The following PITPNM3 variants were observed in gnomAD, a reference collection of about 807,000 sequenced individuals.
PITPNM3 encodes membrane-associated phosphatidylinositol transfer protein 3.
A neutral mutation model predicts 102.0 loss-of-function variants in PITPNM3; 26 were observed. The observed-to-expected ratio is 0.25, with a 90% confidence interval of 0.19 to 0.35. The LOEUF (loss-of-function observed/expected upper bound fraction) is 0.35, where lower values mean the gene tolerates loss of function less well. Ranked by LOEUF, PITPNM3 falls within the 10% of genes least tolerant of loss-of-function variation. PITPNM3 has a pLI of 1.00. For synonymous variants in PITPNM3, 578 were observed against 558.6 expected, an observed-to-expected ratio of 1.03 and a Z score of -0.49; for missense variants, 1,083 against 1,346.1, an observed-to-expected ratio of 0.80 and a Z score of 3.06.
intron 2 of PITPNM3, among the ~76,000 whole-genome samples, chr17:6,530,406 C>G (rs1389090030): frequency 6.6e-6 from 1 of 152,158 alleles, no homozygotes; most frequent in East Asian, 1.9e-4. Context: ...TATGGGAAAC[C>G]AGGAGTTAGA....
rs556730214 is a variant in PITPNM3, at chr17:6,471,410, C to T, written c.1430-55G>A. On this transcript the variant is annotated intron_variant, in intron 11 of 19. Coordinates refer to ENST00000262483, the MANE Select transcript of PITPNM3 (RefSeq NM_031220.4). ...GTCACGTGTCTCCAGCAGAGCTGCC[C>T]ACTCAGTGCCAGCCCCATGCTGGGA... is the stretch of plus-strand genomic sequence containing the variant. 175 of 1,435,864 alleles carry T rather than the reference C, an allele frequency of 1.2e-4. 3 individuals carry two copies. The South Asian group carries it at 2.1e-3, about 17-fold the overall frequency. The allele number at this position is 1,435,864 out of a possible 1,614,324, so 88.9% of individuals were successfully genotyped here.
Position 6,537,355 on chromosome 17 carries a change from G to A in PITPNM3, c.118+632C>T, listed in dbSNP as rs996461146. ...CCTCCCGGGTCCAAGCGATTCTCCC[G>A]CCTCAGCTTCCCCAGTAGCTGGGAT... On this transcript the variant is annotated intron_variant, in intron 2 of 19. Transcript: ENST00000262483. This position sits in a 1 kb window ranked among gnomAD's most constrained non-coding sequence, Gnocchi z 4.4. 5.5e-5 allele frequency among the ~76,000 whole-genome samples: 8 copies of A among 145,800 alleles called. No homozygotes were observed. The highest frequency in any genetic ancestry group is 1.8e-4 in the African/African-American group (7 of 38,896).
intron 14 of PITPNM3, among the ~76,000 whole-genome samples, chr17:6,467,708 C>T (rs937294522): frequency 1.3e-5 from 2 of 152,148 alleles, no homozygotes; most frequent in African/African-American, 4.8e-5. Flanking sequence ...CACTGATGAT[C>T]GTTTGTTGAG....
chr17:6,474,883 T>C (rs1436557062), intron 9 of PITPNM3, among the ~76,000 whole-genome samples: 1 of 152,230 alleles, frequency 6.6e-6, no homozygotes, highest in African/African-American at 2.4e-5. Context: ...CTCCATTGCA[T>C]CTAGTTAACT....
At chr17:6,490,503 C>T (rs1187556636) in intron 4 of PITPNM3, among the ~76,000 whole-genome samples, 1 of 152,150 alleles carries the variant, frequency 6.6e-6, no homozygotes, top group African/African-American at 2.4e-5. Flanking sequence ...TGGAGTCACT[C>T]TGAGAGGCTA....
chr17:6,476,024 A>C (rs1210950700), intron 9 of PITPNM3, among the ~76,000 whole-genome samples: 8 of 152,254 alleles, frequency 5.3e-5, no homozygotes, highest in Middle Eastern at 3.2e-3. Flanking sequence ...TATACTGCTA[A>C]GGAATTGGAA....
intron 3 of PITPNM3, among the ~76,000 whole-genome samples, chr17:6,520,475 A>C (rs983660069): frequency 6.6e-6 from 1 of 152,246 alleles, no homozygotes; most frequent in Non-Finnish European, 1.5e-5. Flanking sequence ...TACCCATATG[A>C]AAAGCTCTCC....
rs771598616 is a variant in PITPNM3, at chr17:6,477,994, C to T, written c.881G>A (p.Gly294Glu). ...CTGTACCTGGGTGCTGCTGATGCTC[C>T]CCTTCCGGCTGCTGCTGGCAGGGCT... ...GDSPASSSRK[G>E]SISSTQDTPV... is the part of the protein sequence containing the mutation. The change falls in exon 8 of 20, where the codon GGG (glycine) becomes GAG (glutamate). Residue 294 changes from glycine to glutamate, a missense_variant. Physicochemically the swap from Gly to Glu is moderately conservative, Grantham distance 98. Around this residue, in one of 5 missense-constraint regions of PITPNM3, gnomAD observed 172 missense variants for 175.6 expected, o/e 0.98. Coordinates refer to ENST00000262483, the MANE Select transcript of PITPNM3 (RefSeq NM_031220.4). The T allele has an allele frequency of 6.2e-7, 1 of 1,613,366 alleles. No homozygotes were observed. Among genetic ancestry groups the T allele is most frequent in the Admixed American group, 1.7e-5 (1 of 60,032 alleles).
At chr17:6,530,625 T>C (rs972647527) in intron 2 of PITPNM3, among the ~76,000 whole-genome samples, 1 of 152,164 alleles carries the variant, frequency 6.6e-6, no homozygotes, top group East Asian at 1.9e-4. Flanking sequence ...GAGACAAGTC[T>C]TGTGCTTTGC....
chr17:6,471,945 G>A (rs537644597), intron 11 of PITPNM3, among the ~76,000 whole-genome samples: 22 of 152,290 alleles, frequency 1.4e-4, no homozygotes, highest in Non-Finnish European at 2.9e-4. Flanking sequence ...GGTGAGGAAG[G>A]GATGGTTTTT....
In PITPNM3 at chr17:6,453,491, C is replaced by A; in HGVS notation, c.*1847G>T. The A allele has an allele frequency of 6.5e-6, 1 of 152,734 alleles. No homozygotes were observed. The allele number at this position is 152,734 out of a possible 1,614,324, so 9.5% of individuals were successfully genotyped here. A position where few individuals can be genotyped will look rare whatever the true frequency, so the allele number is the denominator to read the frequency against. ...GCTGAGGCTGAGGCTGAGGCTGAGCCTGATCCGCACTCCTCCCCATAGACT... is the reference window on the plus strand; with the variant it reads ...GCTGAGGCTGAGGCTGAGGCTGAGCATGATCCGCACTCCTCCCCATAGACT... On this transcript the variant is annotated 3_prime_UTR_variant, in exon 20 of 20. Coordinates refer to ENST00000262483, the MANE Select transcript of PITPNM3 (RefSeq NM_031220.4).
In PITPNM3 at chr17:6,468,451, C is replaced by T. The variant is rs1904897611; in HGVS notation, c.1774-110G>A. On this transcript the variant is annotated intron_variant, in intron 13 of 19. Transcript: ENST00000262483. The surrounding 1 kb of genome is among the most constrained non-coding windows in gnomAD (Gnocchi z 5.2). ...GCCAGCTGGGCCCTGCCCCTGCAAC[C>T]CCCCAACCTCACAGCCTGGAACCGT... The T allele has an allele frequency of 1.9e-6, 2 of 1,075,232 alleles. No homozygotes were observed. Among genetic ancestry groups the T allele is most frequent in the South Asian group, 2.5e-5 (2 of 79,792 alleles). The allele number at this position is 1,075,232 out of a possible 1,614,324, so 66.6% of individuals were successfully genotyped here.
chr17:6,493,430 A>C (rs1473463484), intron 4 of PITPNM3, among the ~76,000 whole-genome samples: 1 of 152,206 alleles, frequency 6.6e-6, no homozygotes, highest in Admixed American at 6.5e-5. Context: ...AGGACAAATA[A>C]GGGTTGGGGT....
chr17:6,474,752 A>C (rs1234098118), intron 9 of PITPNM3, 148 bp from the exon 10 acceptor site: 26 of 993,146 alleles, frequency 2.6e-5, no homozygotes, highest in Non-Finnish European at 3.8e-5. Flanking sequence ...CCGGCTGCAC[A>C]CCACCTACAG....
At position 6,482,026 on chromosome 17, in the gene PITPNM3, C is replaced by CTCTCTG. The variant is rs1567670251; in HGVS notation, c.587+1490_587+1491insCAGAGA. Among the ~76,000 whole-genome samples, 14 of 108,716 alleles carry CTCTCTG rather than the reference C, an allele frequency of 1.3e-4. 1 individual carries two copies. The highest frequency in any genetic ancestry group is 6.5e-4 in the South Asian group (2 of 3,058). 71.3% of individuals were successfully genotyped at this position (108,716 alleles called of 152,430 possible). ...TCTCTCTCTCTCTCTCTCTCTCTCTCTCTCTCTCTGTCTGTCTCTCTCTCT... is the reference window on the plus strand; with the variant it reads ...TCTCTCTCTCTCTCTCTCTCTCTCTCTCTCTGTCTCTCTCTGTCTGTCTCTCTCTCT... On this transcript the variant is annotated intron_variant, in intron 6 of 19. Transcript: ENST00000262483.
chr17:6,525,174 C>T (rs914204256), intron 3 of PITPNM3, among the ~76,000 whole-genome samples, 182 bp downstream of exon 3: 1 of 152,112 alleles, frequency 6.6e-6, no homozygotes, highest in African/African-American at 2.4e-5. Context: ...CACAGAAAAC[C>T]CCACAGAAGT....
intron 3 of PITPNM3, among the ~76,000 whole-genome samples, chr17:6,505,195 A>AATATATATATATATATATATATATATAT (rs55839764): frequency 1.2e-4 from 17 of 136,282 alleles, no homozygotes; most frequent in East Asian, 2.1e-4. Context: ...AGACAAATAA[A>AATATATATATATATATATATATATATAT]ATATATATAT....
rs756595444 is a variant in PITPNM3 at position 6,525,478 on chromosome 17, A to G, written c.119-15T>C. The G allele has an allele frequency of 6.2e-6, 10 of 1,601,134 alleles. No homozygotes were observed. The highest frequency in any genetic ancestry group is 6.8e-6 in the Non-Finnish European group (8 of 1,168,310). On this transcript the variant is annotated splice_polypyrimidine_tract_variant and intron_variant, in intron 2 of 19. Transcript: ENST00000262483. ...AGCCATCTCCTCTGTGGGAAGAAGC[A>G]GCGGTGAGCAGAAGCAGGTGCAGCT...
chr17:6,554,381 A>G (rs538171342), intron 1 of PITPNM3, among the ~76,000 whole-genome samples: 4 of 150,920 alleles, frequency 2.7e-5, no homozygotes, highest in Admixed American at 2.0e-4. Context: ...AGCCTGGGAG[A>G]GCTGAGCTGA....
Sources: allele counts gnomAD v4.1 joint callset (sites outside exome capture counted in the v4.1 genomes callset), GRCh38; gene constraint gnomAD v4.1.1; regional missense constraint gnomAD v4.1.1; non-coding constraint Gnocchi (gnomAD v3.1); transcripts MANE v1.5; gene names NCBI Gene and HGNC (gene_info 2026-07-23, HGNC 2026-07-21).